The following CLSTN2 variants were observed in gnomAD, a reference collection of about 807,000 sequenced individuals.
CLSTN2 encodes calsyntenin-2.
In CLSTN2, 48 loss-of-function variants were observed where a neutral mutation model predicts 101.2. That is an observed-to-expected ratio of 0.47 (90% CI 0.38 to 0.60). The LOEUF (loss-of-function observed/expected upper bound fraction) is 0.60. CLSTN2 is among the 20% of genes least tolerant of loss of function. The probability of loss-of-function intolerance (pLI) is 0.00; values close to 1 mark genes in which losing one functional copy is unlikely to be tolerated. For missense variants in CLSTN2, 1,160 were observed against 1,238.2 expected, an observed-to-expected ratio of 0.94 and a Z score of 0.95; for synonymous variants, 481 against 463.6, an observed-to-expected ratio of 1.04 and a Z score of -0.48.
rs1272253895 is a variant in CLSTN2 at position 140,568,526 on chromosome 3, A to G, written c.*2273A>G. The G allele has an allele frequency of 6.6e-6, 1 of 152,200 alleles. No homozygotes were observed. The highest frequency in any genetic ancestry group is 1.5e-5 in the Non-Finnish European group (1 of 68,038). 9.4% of individuals were successfully genotyped at this position (152,200 alleles called of 1,614,324 possible). ...CTGTACATCCACAAGAGGAAAGTCTATAGGACTGATTAGTTTTCACAATCC... is the reference window on the plus strand; with the variant it reads ...CTGTACATCCACAAGAGGAAAGTCTGTAGGACTGATTAGTTTTCACAATCC... On this transcript the variant is annotated 3_prime_UTR_variant, in exon 17 of 17. Transcript: ENST00000458420.
chr3:140,131,565 T>A (rs2009523787), intron 1 of CLSTN2, among the ~76,000 whole-genome samples: 1 of 152,282 alleles, frequency 6.6e-6, no homozygotes, highest in East Asian at 1.9e-4. Flanking sequence ...CACAGCCCCT[T>A]GGTGGCAACA....
At chr3:140,003,485 T>C (rs2006889626) in intron 1 of CLSTN2, among the ~76,000 whole-genome samples, 1 of 152,184 alleles carries the variant, frequency 6.6e-6, no homozygotes, top group African/African-American at 2.4e-5. Flanking sequence ...ACAAAGATAA[T>C]TTCACTTCTT....
intron 1 of CLSTN2, among the ~76,000 whole-genome samples, chr3:140,168,588 G>C (rs991743881): frequency 4.6e-5 from 7 of 151,900 alleles, no homozygotes; most frequent in African/African-American, 1.7e-4. Flanking sequence ...AGGACACTAA[G>C]ATTTTCTGAT....
chr3:139,949,220 T>C (rs907037094), intron 1 of CLSTN2, among the ~76,000 whole-genome samples: 4 of 152,194 alleles, frequency 2.6e-5, no homozygotes, highest in African/African-American at 7.2e-5. Flanking sequence ...CCTCACTAGA[T>C]TGCGTTCCTT....
intron 9 of CLSTN2, among the ~76,000 whole-genome samples, chr3:140,534,066 A>T (rs2107780445): frequency 6.6e-6 from 1 of 152,272 alleles, no homozygotes; most frequent in East Asian, 1.9e-4. Flanking sequence ...ACCGTGTCAC[A>T]TGGCAAGAGT....
chr3:140,392,821 G>T (rs937796996), intron 2 of CLSTN2, among the ~76,000 whole-genome samples: 47 of 151,750 alleles, frequency 3.1e-4, no homozygotes, highest in African/African-American at 1.1e-3. Context: ...TTGAAACTGG[G>T]TAATTTTTTT....
chr3:139,978,658 G>C (rs1485646676), intron 1 of CLSTN2, among the ~76,000 whole-genome samples: 1 of 19,594 alleles, frequency 5.1e-5, no homozygotes, highest in Non-Finnish European at 2.7e-4. Context: ...TTGTGTGTGT[G>C]TGTGTGTGTG....
At chr3:140,001,122 A>G (rs965977495) in intron 1 of CLSTN2, among the ~76,000 whole-genome samples, 3 of 152,212 alleles carry the variant, frequency 2.0e-5, no homozygotes, top group Admixed American at 1.3e-4. Flanking sequence ...ACTTACCAAG[A>G]ATACTACTTA....
At chr3:140,465,326 A>G (rs1020912468) in intron 7 of CLSTN2, among the ~76,000 whole-genome samples, 4 of 152,228 alleles carry the variant, frequency 2.6e-5, no homozygotes, top group African/African-American at 9.6e-5. Flanking sequence ...CAGTGGTATA[A>G]TAAAACTTCC....
chr3:140,226,178 G>A (rs1471561838), intron 2 of CLSTN2, among the ~76,000 whole-genome samples: 1 of 151,478 alleles, frequency 6.6e-6, no homozygotes, highest in Non-Finnish European at 1.5e-5. Flanking sequence ...AATAACCACA[G>A]AAATGGAGAA....
At chr3:140,355,872 C>T (rs190182256) in intron 2 of CLSTN2, among the ~76,000 whole-genome samples, 8 of 152,216 alleles carry the variant, frequency 5.3e-5, no homozygotes, top group Admixed American at 3.9e-4. Flanking sequence ...TTTCAGTAGG[C>T]GAGCATGTGC....
Position 140,113,194 on chromosome 3 carries a change from C to G in CLSTN2, c.110-62757C>G, listed in dbSNP as rs190846882. Among the ~76,000 whole-genome samples the G allele has an allele frequency of 4.5e-4, 69 of 152,324 alleles. 1 individual carries two copies. In the East Asian group the frequency reaches 0.013, roughly 28 times the overall value. ...ATTGCAGTTTCTTTCTCCCACTCCCCACTCCTGCCCTCGCAAGAGAGCCAG... is the reference window on the plus strand; with the variant it reads ...ATTGCAGTTTCTTTCTCCCACTCCCGACTCCTGCCCTCGCAAGAGAGCCAG... On this transcript the variant is annotated intron_variant, in intron 1 of 16. Transcript: ENST00000458420.
intron 1 of CLSTN2, among the ~76,000 whole-genome samples, chr3:140,034,862 G>A (rs921643446): frequency 6.6e-6 from 1 of 152,158 alleles, no homozygotes; most frequent in African/African-American, 2.4e-5. Flanking sequence ...TGACTAAAAA[G>A]CATACTACTT....
At chr3:140,364,024 C>T (rs547109411) in intron 2 of CLSTN2, among the ~76,000 whole-genome samples, 4 of 152,334 alleles carry the variant, frequency 2.6e-5, no homozygotes, top group South Asian at 4.1e-4. Context: ...ACTCCCTGTG[C>T]GTTTAATCAT....
chr3:139,949,547 T>C (rs892591673), intron 1 of CLSTN2, among the ~76,000 whole-genome samples: 1 of 152,172 alleles, frequency 6.6e-6, no homozygotes, highest in African/African-American at 2.4e-5. Context: ...AGGGACCTTT[T>C]GGGTATAAGT....
chr3:140,414,453 G>T (rs1194384375), intron 4 of CLSTN2, among the ~76,000 whole-genome samples: 9 of 151,950 alleles, frequency 5.9e-5, no homozygotes, highest in Admixed American at 5.9e-4. Flanking sequence ...TTGTTAAAAT[G>T]TTCTACTCAG....
intron 1 of CLSTN2, among the ~76,000 whole-genome samples, chr3:140,090,146 AGGTG>A (rs1292127496): frequency 7.3e-6 from 1 of 136,952 alleles, no homozygotes; most frequent in Non-Finnish European, 1.5e-5. Context: ...TTCTGGCAGG[AGGTG>A]GGTTGTCTCG....
intron 1 of CLSTN2, among the ~76,000 whole-genome samples, chr3:140,120,866 C>T (rs957795877): frequency 2.2e-4 from 33 of 152,138 alleles, no homozygotes; most frequent in African/African-American, 7.2e-4. Flanking sequence ...CCATGCATTG[C>T]AGGTCATTAG....
At chr3:140,491,953 G>A (rs1934361759) in intron 8 of CLSTN2, among the ~76,000 whole-genome samples, 1 of 152,118 alleles carries the variant, frequency 6.6e-6, no homozygotes, top group Admixed American at 6.5e-5. Flanking sequence ...CATTTCTGTG[G>A]AGCCTGCAAA....
Sources: allele counts gnomAD v4.1 joint callset (sites outside exome capture counted in the v4.1 genomes callset), GRCh38; gene constraint gnomAD v4.1.1; transcripts MANE v1.5; gene names NCBI Gene and HGNC (gene_info 2026-07-23, HGNC 2026-07-21).